The following NCOA7 variants were observed in gnomAD, a reference collection of about 807,000 sequenced individuals.
NCOA7 encodes nuclear receptor coactivator 7.
Under a neutral mutation model 104.3 loss-of-function variants are expected in NCOA7, and 45 were observed. That is an observed-to-expected ratio of 0.43 (90% CI 0.34 to 0.55). The LOEUF (loss-of-function observed/expected upper bound fraction) is 0.55, where lower values mean the gene tolerates loss of function less well. Among genes scored for constraint, NCOA7 ranks in the 20% least tolerant of loss-of-function variants. The pLI, the probability that NCOA7 is intolerant of heterozygous loss-of-function variation, is 0.02. For synonymous variants in NCOA7, 398 were observed against 402.3 expected (o/e 0.99, Z 0.13); for missense variants, 1,041 against 1,119.7 (o/e 0.93, Z 1.00).
At chr6:125,899,383 C>T (rs1293742924) in intron 10 of NCOA7, among the ~76,000 whole-genome samples, 1 of 152,200 alleles carries the variant, frequency 6.6e-6, no homozygotes, top group East Asian at 1.9e-4. Context: ...TTTAATGCCT[C>T]CTGGTGCCAA....
intron 2 of NCOA7, among the ~76,000 whole-genome samples, chr6:125,839,499 C>CATT (rs1779932361): frequency 1.3e-5 from 2 of 152,054 alleles, no homozygotes; most frequent in African/African-American, 4.8e-5. Context: ...AAGTTCCAAC[C>CATT]TTTTAATCCT....
intron 2 of NCOA7, among the ~76,000 whole-genome samples, chr6:125,850,735 C>T (rs1781046059): frequency 6.6e-6 from 1 of 152,164 alleles, no homozygotes; most frequent in Non-Finnish European, 1.5e-5. Context: ...AAGGAATCAC[C>T]TTCGGAAGGG....
At chr6:125,849,866 T>G (rs897849760) in intron 2 of NCOA7, among the ~76,000 whole-genome samples, 7 of 152,230 alleles carry the variant, frequency 4.6e-5, no homozygotes, top group Non-Finnish European at 8.8e-5. Flanking sequence ...TATTTTTCAG[T>G]CACTCATCAT....
chr6:125,909,832 T>A (rs1403184165), intron 10 of NCOA7, among the ~76,000 whole-genome samples: 1 of 151,850 alleles, frequency 6.6e-6, no homozygotes, highest in African/African-American at 2.4e-5. Context: ...AAAGGACTTA[T>A]GGGATTTTGG....
rs550522322 is a variant in NCOA7, at chr6:125,800,478, G to A, written c.-65+9411G>A. 7.2e-5 allele frequency among the ~76,000 whole-genome samples: 11 copies of A among 152,334 alleles called. No homozygotes were observed. The South Asian group carries it at 1.0e-3, about 14-fold the overall frequency. The stretch of plus-strand genomic sequence containing the variant: ...TACTTTTATTGATGTGGAATAAAAA[G>A]TGGAGACCACTAATCTAAATAAAAG... On this transcript the variant is annotated intron_variant, in intron 1 of 15. Coordinates refer to ENST00000392477, the MANE Select transcript of NCOA7 (RefSeq NM_181782.5).
At chr6:125,928,042 TG>T in intron 14 of NCOA7, 131 bp from the exon 15 acceptor site, 1 of 864,602 alleles carries the variant, frequency 1.2e-6, no homozygotes, top group Non-Finnish European at 1.9e-6. Flanking sequence ...GGGCCAGGTC[TG>T]GCAGTCAGGA....
chr6:125,801,777 T>G (rs928625106), intron 1 of NCOA7, among the ~76,000 whole-genome samples: 1 of 152,162 alleles, frequency 6.6e-6, no homozygotes, highest in Non-Finnish European at 1.5e-5. Flanking sequence ...CATCTTCTTA[T>G]GGGGATTCCA....
intron 13 of NCOA7, among the ~76,000 whole-genome samples, chr6:125,924,031 A>C (rs749017572): frequency 3.3e-5 from 5 of 152,208 alleles, no homozygotes; most frequent in Admixed American, 6.5e-5. Context: ...TTGCTTAATA[A>C]AGATCCAAGC....
intron 14 of NCOA7, 24 bp from the exon 15 acceptor site, chr6:125,928,150 T>C: frequency 1.3e-6 from 2 of 1,588,006 alleles, no homozygotes; most frequent in Non-Finnish European, 1.7e-6. Context: ...ATGTCTGTTT[T>C]CTTTTTTGTG....
intron 10 of NCOA7, among the ~76,000 whole-genome samples, chr6:125,914,593 G>T (rs923225781): frequency 6.6e-6 from 1 of 152,156 alleles, no homozygotes; most frequent in Non-Finnish European, 1.5e-5. Context: ...GATACTTTAA[G>T]AATCATTTGA....
intron 2 of NCOA7, among the ~76,000 whole-genome samples, chr6:125,832,561 A>G (rs1779277404): frequency 6.6e-6 from 1 of 152,192 alleles, no homozygotes; most frequent in African/African-American, 2.4e-5. Flanking sequence ...TGCAGCCTGG[A>G]TAGAGGAAAT....
chr6:125,859,628 T>G (rs2128624783), intron 3 of NCOA7, among the ~76,000 whole-genome samples: 1 of 152,196 alleles, frequency 6.6e-6, no homozygotes, highest in South Asian at 2.1e-4. Flanking sequence ...GAGTTGAAAA[T>G]AAAGTAAAAG....
chr6:125,910,465 A>C (rs1422414175), intron 10 of NCOA7, among the ~76,000 whole-genome samples: 1 of 152,204 alleles, frequency 6.6e-6, no homozygotes, highest in African/African-American at 2.4e-5. Context: ...TATTGAAAAA[A>C]CTAAGATTTA....
rs1326691853 is a variant in NCOA7, at chr6:125,928,821, C to T, written c.*50C>T. On this transcript the variant is annotated 3_prime_UTR_variant, in exon 16 of 16. Transcript: ENST00000392477. ...CATTAAAAAGACTGGGTTCGATCAG[C>T]CCTCCTAAAGCTGGCTGGAAAAAGA... 2 of 1,581,090 alleles carry T rather than the reference C, an allele frequency of 1.3e-6. No individual in the cohort carries two copies. Among genetic ancestry groups the T allele is most frequent in the African/African-American group, 1.4e-5 (1 of 73,064 alleles).
intron 1 of NCOA7, among the ~76,000 whole-genome samples, chr6:125,813,299 A>G (rs1777237685): frequency 6.6e-6 from 1 of 152,174 alleles, no homozygotes; most frequent in South Asian, 2.1e-4. Flanking sequence ...CAAGCTCCTT[A>G]GAGCAGCATA....
chr6:125,878,907 G>T (rs182167273), intron 5 of NCOA7, among the ~76,000 whole-genome samples: 3 of 152,140 alleles, frequency 2.0e-5, no homozygotes, highest in African/African-American at 7.2e-5. Flanking sequence ...ATGTTCTGGC[G>T]GCTGCTCACC....
chr6:125,824,802 A>G (rs946290875), intron 2 of NCOA7, among the ~76,000 whole-genome samples: 4 of 152,072 alleles, frequency 2.6e-5, no homozygotes, highest in African/African-American at 9.7e-5. Flanking sequence ...TCTGTTGCCC[A>G]GGCTGGAGTG....
Position 125,840,576 on chromosome 6 carries a change from T to A in NCOA7, c.51-14444T>A, listed in dbSNP as rs569837935. On this transcript the variant is annotated intron_variant, in intron 2 of 15. Coordinates refer to ENST00000392477, the MANE Select transcript of NCOA7 (RefSeq NM_181782.5). Reference sequence around the variant, plus strand: ...TTGCCCCAGATGGAGTGCAGTGGCATGATCATAGCTCACTGTAGCCTCAAA... The same window carrying A: ...TTGCCCCAGATGGAGTGCAGTGGCAAGATCATAGCTCACTGTAGCCTCAAA... Among the ~76,000 whole-genome samples, 61 of 151,954 alleles carry A rather than the reference T, an allele frequency of 4.0e-4. 1 individual carries two copies. In the South Asian group the frequency reaches 0.013, roughly 32 times the overall value.
At chr6:125,918,801 G>A (rs1390960067) in intron 11 of NCOA7, among the ~76,000 whole-genome samples, 1 of 152,052 alleles carries the variant, frequency 6.6e-6, no homozygotes, top group Admixed American at 6.6e-5. Flanking sequence ...ACATAGTATT[G>A]AAGTGAAATG....
Sources: gnomAD v4.1 joint callset for allele counts (sites outside exome capture counted in the v4.1 genomes callset) on GRCh38, gnomAD v4.1.1 for gene constraint, MANE v1.5 for transcripts, NCBI Gene and HGNC (gene_info 2026-07-23, HGNC 2026-07-21) for gene names.